Variants in PTGR1 observed in about 807,000 individuals in gnomAD.
PTGR1 encodes 15-oxoprostaglandin 13-reductase.
PTGR1 carries 23 observed loss-of-function variants against 37.7 expected under a neutral mutation model. The observed-to-expected ratio is 0.61, with a 90% CI of 0.44 to 0.86. The LOEUF (loss-of-function observed/expected upper bound fraction) is 0.86, where lower values mean the gene tolerates loss of function less well. PTGR1 is among the 40% of genes least tolerant of loss of function. PTGR1 has a pLI of 0.00. For synonymous variants in PTGR1, 134 were observed against 140.0 expected, an observed-to-expected ratio of 0.96 and a Z score of 0.30; for missense variants, 351 against 394.3, an observed-to-expected ratio of 0.89 and a Z score of 0.93.
intron 9 of PTGR1, among the ~76,000 whole-genome samples, chr9:111,553,649 TATA>T (rs1415993227): frequency 6.6e-6 from 1 of 152,256 alleles, no homozygotes; most frequent in Non-Finnish European, 1.5e-5. Flanking sequence ...GTACAAGCAT[TATA>T]ATACAACAGT....
At chr9:111,594,546 A>ATCCTTTT (rs528901452) in intron 2 of PTGR1, among the ~76,000 whole-genome samples, 4 of 127,448 alleles carry the variant, frequency 3.1e-5, no homozygotes, top group Non-Finnish European at 3.4e-5. Flanking sequence ...CGTTTTTGGC[A>ATCCTTTT]TTCTTTTTTT....
Position 111,592,964 on chromosome 9 carries a change from C to T in PTGR1, c.171G>A (p.Leu57=), listed in dbSNP as rs756155996. ...DPYMRVAAKR[L]KEGDTMMGQQ... ...GCCCCATCATTGTATCACCTTCCTTCAATCTTTTGGCTGCCACTCTGCAAA... is the reference window on the plus strand; with the variant it reads ...GCCCCATCATTGTATCACCTTCCTTTAATCTTTTGGCTGCCACTCTGCAAA... The change falls in exon 4 of 10, where the codon TTG becomes TTA. Residue 57 remains leucine, a synonymous_variant. Transcript: ENST00000407693. 1 of 951,692 alleles carries T rather than the reference C, an allele frequency of 1.1e-6. No individual in the cohort carries two copies. Among genetic ancestry groups the T allele is most frequent in the Non-Finnish European group, 1.5e-6 (1 of 671,782 alleles). 59.0% of individuals were successfully genotyped at this position (951,692 alleles called of 1,614,324 possible).
At chr9:111,563,313 T>A (rs1325431166) in intron 9 of PTGR1, 82 bp from the exon 10 acceptor site, 18 of 1,326,422 alleles carry the variant, frequency 1.4e-5, no homozygotes, top group Non-Finnish European at 1.6e-5. Context: ...AACAAATTTA[T>A]CAGGTACATC....
At chr9:111,588,220 G>A (rs574323554) in intron 4 of PTGR1, among the ~76,000 whole-genome samples, 29 of 140,524 alleles carry the variant, frequency 2.1e-4, no homozygotes, top group Non-Finnish European at 3.8e-4. Flanking sequence ...TTTTTGAGAC[G>A]GAGTCTCGCT....
intron 9 of PTGR1, among the ~76,000 whole-genome samples, chr9:111,551,763 A>C (rs951958034): frequency 1.4e-4 from 21 of 152,192 alleles, no homozygotes; most frequent in African/African-American, 4.8e-4. Flanking sequence ...AATTCATTTA[A>C]TATCTAGGCA....
downstream of PTGR1, among the ~76,000 whole-genome samples, chr9:111,560,546 C>T (rs1228348844): frequency 1.4e-5 from 2 of 138,078 alleles, no homozygotes; most frequent in Admixed American, 1.6e-4. Context: ...GAGGCTGAGG[C>T]AGGAGAATTG....
intron 7 of PTGR1, chr9:111,576,380 T>TA (rs1829056260): frequency 1.9e-6 from 3 of 1,614,116 alleles, no homozygotes; most frequent in Non-Finnish European, 2.5e-6. Flanking sequence ...CATGGAGCAG[T>TA]AAAAAAGATG....
downstream of PTGR1, among the ~76,000 whole-genome samples, chr9:111,560,944 A>AATAT (rs746101013): frequency 1.9e-4 from 6 of 31,210 alleles, no homozygotes; most frequent in East Asian, 1.2e-3. Context: ...CTCCATCTAA[A>AATAT]ATATATATAT....
Position 111,597,311 on chromosome 9 carries a change from A to T in PTGR1, c.106+6T>A. The T allele has an allele frequency of 6.3e-7, 1 of 1,587,102 alleles. No homozygotes were observed. The highest frequency in any genetic ancestry group is 8.6e-7 in the Non-Finnish European group (1 of 1,156,562). On this transcript the variant is annotated splice_donor_region_variant and intron_variant, in intron 2 of 9. Coordinates refer to ENST00000407693, the MANE Select transcript of PTGR1 (RefSeq NM_001146108.2). ...CCAACTCTGAAATATTTTTAGTATG[A>T]CTTACCTCCATTTTTTAAGGGTGGG...
intron 5 of PTGR1, among the ~76,000 whole-genome samples, chr9:111,585,437 G>C (rs1258165293): frequency 6.6e-6 from 1 of 152,158 alleles, no homozygotes; most frequent in Non-Finnish European, 1.5e-5. Flanking sequence ...AGGGCAGGCA[G>C]GAAAGAATAA....
At chr9:111,592,064 T>A (rs1829640265) in intron 4 of PTGR1, among the ~76,000 whole-genome samples, 1 of 152,194 alleles carries the variant, frequency 6.6e-6, no homozygotes, top group South Asian at 2.1e-4. Flanking sequence ...AATGGACGCA[T>A]GTGGGGGCAC....
rs777826004 is a variant in PTGR1 at position 111,574,690 on chromosome 9, G to A, written c.760+44C>T. ...TGGCATATCTGTGAATTTTCTCCTT[G>A]TCCAGCCTTGTGACATATGGGATCG... On this transcript the variant is annotated intron_variant, in intron 8 of 9. Coordinates refer to ENST00000407693, the MANE Select transcript of PTGR1 (RefSeq NM_001146108.2). 3 of 1,397,706 alleles carry A rather than the reference G, an allele frequency of 2.1e-6. No homozygotes were observed. In the South Asian group the frequency reaches 3.8e-5, roughly 18 times the overall value. The allele number at this position is 1,397,706 out of a possible 1,614,324, so 86.6% of individuals were successfully genotyped here.
intron 8 of PTGR1, among the ~76,000 whole-genome samples, chr9:111,573,408 A>G (rs1214667700): frequency 6.6e-6 from 1 of 152,170 alleles, no homozygotes; most frequent in African/African-American, 2.4e-5. Context: ...CTTCCTTTCT[A>G]GCCCCCCCAT....
chr9:111,565,645 T>A (rs986051287), intron 9 of PTGR1, among the ~76,000 whole-genome samples: 2 of 152,068 alleles, frequency 1.3e-5, no homozygotes, highest in Non-Finnish European at 2.9e-5. Flanking sequence ...CACCTCAGCC[T>A]CCCGAGTAGC....
chr9:111,597,698 G>C (rs190744013), intron 1 of PTGR1, among the ~76,000 whole-genome samples: 203 of 152,296 alleles, frequency 1.3e-3, no homozygotes, highest in Non-Finnish European at 2.6e-4. Context: ...GGAAACTGAG[G>C]TTTAAAGAAA....
At chr9:111,595,713 A>C (rs1178677234) in intron 2 of PTGR1, among the ~76,000 whole-genome samples, 1 of 152,170 alleles carries the variant, frequency 6.6e-6, no homozygotes, top group African/African-American at 2.4e-5. Flanking sequence ...GGCTCACTGC[A>C]ATCTCCACCT....
intron 5 of PTGR1, 37 bp downstream of exon 5, chr9:111,585,961 G>T: frequency 1.2e-6 from 2 of 1,607,532 alleles, no homozygotes; most frequent in South Asian, 2.2e-5. Context: ...CAGAGTGTCA[G>T]ACATTCAAAC....
intron 9 of PTGR1, 115 bp downstream of exon 9, chr9:111,569,976 G>A: frequency 6.6e-7 from 1 of 1,518,162 alleles, no homozygotes; most frequent in East Asian, 2.4e-5. Flanking sequence ...GACCCAATAG[G>A]GAAAAACTGA....
chr9:111,571,302 C>T lies in PTGR1; in HGVS notation c.761-1093G>A, dbSNP rs1005786133. Among the ~76,000 whole-genome samples, 5 of 149,560 alleles carry T rather than the reference C, an allele frequency of 3.3e-5. 1 individual carries two copies. Among genetic ancestry groups the T allele is most frequent in the Non-Finnish European group, 5.9e-5 (4 of 67,364 alleles). On this transcript the variant is annotated intron_variant, in intron 8 of 9. Transcript: ENST00000407693. Reference sequence around the variant, plus strand: ...TGGCACATGCCTGTAATCCCAGCTACTCAGGAGGCTGAGGCAGGAGAATCG... The same window carrying T: ...TGGCACATGCCTGTAATCCCAGCTATTCAGGAGGCTGAGGCAGGAGAATCG...
Sources: gnomAD v4.1 joint callset for allele counts (sites outside exome capture counted in the v4.1 genomes callset) on GRCh38, gnomAD v4.1.1 for gene constraint, MANE v1.5 for transcripts, NCBI Gene and HGNC (gene_info 2026-07-23, HGNC 2026-07-21) for gene names.